Variants in CADPS2 observed in about 807,000 individuals in gnomAD.
CADPS2 encodes the protein calcium-dependent secretion activator 2.
A neutral mutation model predicts 172.5 loss-of-function variants in CADPS2; 93 were observed. The ratio of observed to expected loss-of-function variants is 0.54; its 90% confidence interval spans 0.46 to 0.64. The LOEUF (loss-of-function observed/expected upper bound fraction) is 0.64, where lower values mean the gene tolerates loss of function less well. Ranked by LOEUF, CADPS2 falls within the 30% of genes least tolerant of loss-of-function variation. The pLI is 0.00. For synonymous variants in CADPS2, 546 were observed against 555.2 expected (o/e 0.98, Z 0.23); for missense variants, 1,420 against 1,565.9 (o/e 0.91, Z 1.57).
intron 1 of CADPS2, among the ~76,000 whole-genome samples, chr7:122,783,665 A>G (rs1324849738): frequency 6.6e-6 from 1 of 152,224 alleles, no homozygotes. Context: ...AGTGAGACCC[A>G]CATTTATTCA....
At chr7:122,762,410 C>A (rs1173473910) in intron 1 of CADPS2, among the ~76,000 whole-genome samples, 1 of 151,976 alleles carries the variant, frequency 6.6e-6, no homozygotes, top group Non-Finnish European at 1.5e-5. Context: ...GAGTTCCCAA[C>A]AAGGATGGAA....
Position 122,702,816 on chromosome 7 carries a change from A to G in CADPS2, c.453+34139T>C, listed in dbSNP as rs1391808148. On this transcript the variant is annotated intron_variant, in intron 2 of 29. Transcript: ENST00000449022. Reference sequence around the variant, plus strand: ...AACAACATCAGTTGTAGAAGAACATAAAGAAGATAGCTTGTTGGCGGCAGA... The same window carrying G: ...AACAACATCAGTTGTAGAAGAACATGAAGAAGATAGCTTGTTGGCGGCAGA... 6 of 1,238,376 alleles carry G rather than the reference A, an allele frequency of 4.8e-6. No homozygotes were observed. The South Asian group carries it at 7.8e-5, about 16-fold the overall frequency. The allele number at this position is 1,238,376 out of a possible 1,614,324, so 76.7% of individuals were successfully genotyped here. A position where few individuals can be genotyped will look rare whatever the true frequency, so the allele number is the denominator to read the frequency against.
chr7:122,329,487 T>C (rs1235484029), intron 28 of CADPS2, among the ~76,000 whole-genome samples: 1 of 152,184 alleles, frequency 6.6e-6, no homozygotes, highest in Non-Finnish European at 1.5e-5. Flanking sequence ...AGGATTAAAG[T>C]TGTTTCTCCG....
intron 1 of CADPS2, among the ~76,000 whole-genome samples, chr7:122,876,010 A>G (rs1821102546): frequency 6.6e-6 from 1 of 152,154 alleles, no homozygotes; most frequent in South Asian, 2.1e-4. Flanking sequence ...TAAAGTTAAC[A>G]GATATAACTT....
At chr7:122,630,824 G>T (rs13239616) in intron 3 of CADPS2, among the ~76,000 whole-genome samples, 2 of 152,018 alleles carry the variant, frequency 1.3e-5, no homozygotes, top group East Asian at 3.9e-4. Flanking sequence ...TTTCCAAGTT[G>T]ATTTTTAAAA....
At chr7:122,497,146 T>C (rs1246455837) in intron 9 of CADPS2, among the ~76,000 whole-genome samples, 1 of 152,124 alleles carries the variant, frequency 6.6e-6, no homozygotes, top group East Asian at 1.9e-4. Flanking sequence ...CTATACAATC[T>C]TTCTTTTGTT....
rs976209528 is a variant in CADPS2, at chr7:122,690,197, G to A, written c.454-26628C>T. Among the ~76,000 whole-genome samples, 5 of 152,234 alleles carry A rather than the reference G, an allele frequency of 3.3e-5. No homozygotes were observed. The East Asian group carries it at 7.8e-4, about 24-fold the overall frequency. ...ACGGATACTAACCAGGGTAAATCAC[G>A]TCCCTCAGGCAAAATTCAAGTCAAT... On this transcript the variant is annotated intron_variant, in intron 2 of 29. Transcript: ENST00000449022.
chr7:122,762,521 A>C (rs2138797889), intron 1 of CADPS2, among the ~76,000 whole-genome samples: 1 of 152,290 alleles, frequency 6.6e-6, no homozygotes, highest in African/African-American at 2.4e-5. Flanking sequence ...AGACTTCAAA[A>C]ATTTGAAGGA....
At chr7:122,434,280 C>T (rs896172915) in intron 17 of CADPS2, among the ~76,000 whole-genome samples, 6 of 151,848 alleles carry the variant, frequency 4.0e-5, no homozygotes, top group East Asian at 3.9e-4. Context: ...TTCTCCTCTT[C>T]GTGGCTCTGA....
chr7:122,469,084 G>A (rs191482733), intron 14 of CADPS2, among the ~76,000 whole-genome samples: 4 of 152,246 alleles, frequency 2.6e-5, no homozygotes, highest in Admixed American at 2.6e-4. Context: ...ACATTACAGA[G>A]TATCGTTATA....
At chr7:122,760,003 C>T (rs957658734) in intron 1 of CADPS2, among the ~76,000 whole-genome samples, 17 of 139,052 alleles carry the variant, frequency 1.2e-4, no homozygotes, top group East Asian at 5.9e-4. Context: ...TATATATATA[C>T]ACACACACAC....
chr7:122,761,726 G>A (rs1322792268), intron 1 of CADPS2, among the ~76,000 whole-genome samples: 2 of 151,714 alleles, frequency 1.3e-5, no homozygotes, highest in Non-Finnish European at 2.9e-5. Flanking sequence ...CAGGCATGGT[G>A]GCTCACACCT....
intron 1 of CADPS2, among the ~76,000 whole-genome samples, chr7:122,754,481 T>C (rs1323863743): frequency 6.6e-6 from 1 of 152,154 alleles, no homozygotes; most frequent in East Asian, 1.9e-4. Flanking sequence ...ATGTCTTTTT[T>C]CTTTTTTTCT....
intron 2 of CADPS2, among the ~76,000 whole-genome samples, chr7:122,704,354 T>A (rs959249543): frequency 6.6e-6 from 1 of 150,402 alleles, no homozygotes; most frequent in Non-Finnish European, 1.5e-5. Flanking sequence ...CAGGTAGACT[T>A]TTTTTTTTTC....
At chr7:122,329,863 G>A (rs1009411988) in intron 28 of CADPS2, among the ~76,000 whole-genome samples, 2 of 152,180 alleles carry the variant, frequency 1.3e-5, no homozygotes. Context: ...TATCACGGCT[G>A]CTTCAAGCAA....
intron 19 of CADPS2, among the ~76,000 whole-genome samples, chr7:122,408,768 A>G (rs1038878825): frequency 1.3e-5 from 2 of 152,178 alleles, no homozygotes; most frequent in African/African-American, 4.8e-5. Flanking sequence ...ACAAACCACA[A>G]AAAAGGGGAT....
intron 4 of CADPS2, among the ~76,000 whole-genome samples, chr7:122,623,144 T>A (rs1298320024): frequency 6.7e-6 from 1 of 150,326 alleles, no homozygotes; most frequent in Non-Finnish European, 1.5e-5. Context: ...AAAATTTCTC[T>A]ACAGTTTGAA....
At chr7:122,573,742 C>T (rs1438000996) in intron 7 of CADPS2, among the ~76,000 whole-genome samples, 1 of 152,102 alleles carries the variant, frequency 6.6e-6, no homozygotes, top group Non-Finnish European at 1.5e-5. Context: ...TAAAAGTGCA[C>T]TGGCAGCCAG....
chr7:122,376,193 A>G, intron 25 of CADPS2, among the ~76,000 whole-genome samples: 1 of 152,174 alleles, frequency 6.6e-6, no homozygotes, highest in Non-Finnish European at 1.5e-5. Context: ...GAAAAATAGA[A>G]CTACCATATG....
Sources: gnomAD v4.1 joint callset for allele counts (sites outside exome capture counted in the v4.1 genomes callset) on GRCh38, gnomAD v4.1.1 for gene constraint, MANE v1.5 for transcripts, NCBI Gene and HGNC (gene_info 2026-07-23, HGNC 2026-07-21) for gene names.